The following ASAP1 variants were observed in gnomAD, a reference collection of about 807,000 sequenced individuals.
The protein encoded by ASAP1 is arf-GAP with SH3 domain, ANK repeat and PH domain-containing protein 1.
Under a neutral mutation model 145.2 loss-of-function variants are expected in ASAP1, and 43 were observed. That is an observed-to-expected ratio of 0.30 (90% confidence interval 0.23 to 0.38). The LOEUF (loss-of-function observed/expected upper bound fraction) is 0.38, where lower values mean the gene tolerates loss of function less well. Among genes scored for constraint, ASAP1 ranks in the 10% least tolerant of loss-of-function variants. The probability of loss-of-function intolerance (pLI) is 1.00; values close to 1 mark genes in which losing one functional copy is unlikely to be tolerated. For missense variants in ASAP1, 1,018 were observed against 1,355.3 expected (o/e 0.75, Z 3.91); for synonymous variants, 546 against 515.5 (o/e 1.06, Z -0.80).
intron 4 of ASAP1, among the ~76,000 whole-genome samples, chr8:130,221,243 G>A (rs748736442): frequency 1.2e-4 from 18 of 151,184 alleles, no homozygotes; most frequent in Non-Finnish European, 8.9e-5. Flanking sequence ...AAAGAAAAGA[G>A]GAAGAAAGGA....
chr8:130,160,067 A>T, intron 11 of ASAP1, 103 bp from the exon 12 acceptor site: 1 of 973,128 alleles, frequency 1.0e-6, no homozygotes. Flanking sequence ...GGTCTAAGGG[A>T]ATTATGGAAC....
Position 130,437,896 on chromosome 8 carries a change from C to T in ASAP1, c.-28+5564G>A, listed in dbSNP as rs370694062. Among the ~76,000 whole-genome samples, 26 of 152,352 alleles carry T rather than the reference C, an allele frequency of 1.7e-4. No individual in the cohort carries two copies. In the East Asian group the frequency reaches 3.7e-3, roughly 21 times the overall value. The stretch of plus-strand genomic sequence containing the variant: ...CCAGGCTCCAACCAGGATCCCGCCA[C>T]TGGAGGGACATACTTACTTTTGTTT... On this transcript the variant is annotated intron_variant, in intron 1 of 29. Coordinates refer to ENST00000518721, the MANE Select transcript of ASAP1 (RefSeq NM_018482.4).
chr8:130,191,718 G>C (rs1488598306), intron 5 of ASAP1, among the ~76,000 whole-genome samples: 1 of 152,168 alleles, frequency 6.6e-6, no homozygotes, highest in Non-Finnish European at 1.5e-5. Context: ...AGCAGCTGTT[G>C]TGAGGATGGA....
intron 3 of ASAP1, among the ~76,000 whole-genome samples, chr8:130,295,339 CTTT>C (rs796514172): frequency 2.0e-4 from 29 of 146,442 alleles, no homozygotes; most frequent in African/African-American, 7.0e-4. Flanking sequence ...GATAGTAACT[CTTT>C]TTTTTTTTTC....
intron 18 of ASAP1, among the ~76,000 whole-genome samples, chr8:130,123,799 TAA>T (rs201049937): frequency 1.3e-5 from 2 of 150,822 alleles, no homozygotes; most frequent in African/African-American, 4.9e-5. Flanking sequence ...GGCTAATTTT[TAA>T]AAAATTTTTA....
At chr8:130,079,174 G>A (rs2097472450) in intron 26 of ASAP1, among the ~76,000 whole-genome samples, 1 of 152,280 alleles carries the variant, frequency 6.6e-6, no homozygotes, top group Admixed American at 6.5e-5. Context: ...CAGTCTGGGT[G>A]ACAGAGAAAG....
intron 3 of ASAP1, among the ~76,000 whole-genome samples, chr8:130,241,768 G>T (rs952017148): frequency 6.6e-6 from 1 of 152,010 alleles, no homozygotes; most frequent in Non-Finnish European, 1.5e-5. Context: ...GTTATTCTGT[G>T]AACTTTCTTT....
chr8:130,375,302 A>G (rs1172841783), intron 2 of ASAP1, among the ~76,000 whole-genome samples: 1 of 152,124 alleles, frequency 6.6e-6, no homozygotes, highest in East Asian at 1.9e-4. Flanking sequence ...GGAATGGGCC[A>G]TGGAGAGTGA....
chr8:130,338,001 A>G (rs917549437), intron 3 of ASAP1, among the ~76,000 whole-genome samples: 2 of 152,216 alleles, frequency 1.3e-5, no homozygotes, highest in Non-Finnish European at 2.9e-5. Flanking sequence ...AATCGTTGAA[A>G]TACATATTAC....
Position 130,388,234 on chromosome 8 carries a change from G to A in ASAP1, c.59+13651C>T, listed in dbSNP as rs564522194. On this transcript the variant is annotated intron_variant, in intron 2 of 29. Coordinates refer to ENST00000518721, the MANE Select transcript of ASAP1 (RefSeq NM_018482.4). ...ATGTGCTGAAGCCTCTTGGGGAAAC[G>A]GGGTGGAGGCAGAGGAGGGTACAGA... Among the ~76,000 whole-genome samples the A allele has an allele frequency of 7.0e-4, 106 of 152,312 alleles. 1 individual carries two copies. The highest frequency in any genetic ancestry group is 1.4e-3 in the Admixed American group (21 of 15,290).
At chr8:130,305,287 T>C (rs1034872044) in intron 3 of ASAP1, among the ~76,000 whole-genome samples, 11 of 152,358 alleles carry the variant, frequency 7.2e-5, no homozygotes, top group African/African-American at 1.4e-4. Context: ...CTCTTTCTCA[T>C]TGTTCTATCC....
chr8:130,438,514 G>A (rs371476155), intron 1 of ASAP1, among the ~76,000 whole-genome samples: 91 of 152,320 alleles, frequency 6.0e-4, no homozygotes, highest in African/African-American at 2.0e-3. Context: ...GCTAGGAAAT[G>A]GACTGGGGGC....
At chr8:130,283,352 G>A (rs565568160) in intron 3 of ASAP1, among the ~76,000 whole-genome samples, 5 of 152,150 alleles carry the variant, frequency 3.3e-5, no homozygotes, top group Admixed American at 6.5e-5. Context: ...AGGCTGAGGC[G>A]GGTGGATCAC....
At chr8:130,403,742 CAG>C (rs1300534043) in intron 1 of ASAP1, among the ~76,000 whole-genome samples, 1 of 151,874 alleles carries the variant, frequency 6.6e-6, no homozygotes, top group Non-Finnish European at 1.5e-5. Context: ...TTAGTAGAGA[CAG>C]GGTTTCGCCA....
chr8:130,256,409 G>A (rs1233554968), intron 3 of ASAP1, among the ~76,000 whole-genome samples: 1 of 150,782 alleles, frequency 6.6e-6, no homozygotes, highest in Non-Finnish European at 1.5e-5. Flanking sequence ...TCTGGGGGGT[G>A]GGGGGCGGTG....
rs57123447 is a variant in ASAP1 at position 130,174,091 on chromosome 8, CAAAAAAAAAAAA to C, written c.747-5036_747-5025del. On this transcript the variant is annotated intron_variant, in intron 9 of 29. Coordinates refer to ENST00000518721, the MANE Select transcript of ASAP1 (RefSeq NM_018482.4). The stretch of plus-strand genomic sequence containing the variant: ...TGACAGAGTGGCAAGACTCCGTCTC[CAAAAAAAAAAAA>C]AAAAAAAAAAAAAGGCTTAGGAGTC... Among the ~76,000 whole-genome samples, 159 of 62,788 alleles carry C rather than the reference CAAAAAAAAAAAA, an allele frequency of 2.5e-3. No homozygotes were observed. The Middle Eastern group carries it at 0.037, about 15-fold the overall frequency. 41.2% of individuals were successfully genotyped at this position (62,788 alleles called of 152,430 possible).
chr8:130,179,179 A>G, intron 9 of ASAP1, 85 bp downstream of exon 9: 1 of 793,692 alleles, frequency 1.3e-6, no homozygotes, highest in South Asian at 1.8e-5. Flanking sequence ...GAGATGAAGA[A>G]AAGATATGAA....
At chr8:130,312,339 C>G (rs1823407475) in intron 3 of ASAP1, among the ~76,000 whole-genome samples, 1 of 151,782 alleles carries the variant, frequency 6.6e-6, no homozygotes, top group South Asian at 2.1e-4. Flanking sequence ...ATCCCTGCAG[C>G]TGAACCCCTG....
At chr8:130,104,093 G>T (rs1391445427) in intron 24 of ASAP1, among the ~76,000 whole-genome samples, 3 of 152,066 alleles carry the variant, frequency 2.0e-5, no homozygotes, top group African/African-American at 7.2e-5. Flanking sequence ...GATCTGTACT[G>T]TCTCCACAGC....
Sources: allele counts gnomAD v4.1 joint callset (sites outside exome capture counted in the v4.1 genomes callset), GRCh38; gene constraint gnomAD v4.1.1; transcripts MANE v1.5; gene names NCBI Gene and HGNC (gene_info 2026-07-23, HGNC 2026-07-21).